Variants in LDHB observed in about 807,000 individuals in gnomAD.
LDHB encodes lactate dehydrogenase B, also known as L-lactate dehydrogenase B chain.
In LDHB, 18 loss-of-function variants were observed where a neutral mutation model predicts 33.4. The ratio of observed to expected loss-of-function variants is 0.54; its 90% CI spans 0.37 to 0.80. The LOEUF is 0.80. LDHB is among the 30% of genes least tolerant of loss of function. The probability of loss-of-function intolerance (pLI) is 0.00; values close to 1 mark genes in which losing one functional copy is unlikely to be tolerated. For synonymous variants in LDHB, 121 were observed against 140.6 expected (o/e 0.86, Z 0.98); for missense variants, 345 against 407.9 (o/e 0.85, Z 1.33).
At chr12:21,643,304 A>G (rs534156400) in intron 4 of LDHB, among the ~76,000 whole-genome samples, 1 of 152,356 alleles carries the variant, frequency 6.6e-6, no homozygotes, top group Non-Finnish European at 1.5e-5. Context: ...GTGGCAAACT[A>G]TAGATAAAAG....
intron 6 of LDHB, 168 bp from the exon 7 acceptor site, chr12:21,637,362 A>C (rs1938247534): frequency 3.3e-6 from 2 of 598,286 alleles, no homozygotes; most frequent in African/African-American, 3.7e-5. Flanking sequence ...TATATATGTA[A>C]AATGCTTAAA....
intron 3 of LDHB, among the ~76,000 whole-genome samples, chr12:21,646,386 T>G (rs1386600162): frequency 6.6e-6 from 1 of 152,256 alleles, no homozygotes; most frequent in Admixed American, 6.5e-5. Flanking sequence ...CATAACCATT[T>G]TCTACATACA....
chr12:21,648,572 C>T (rs1237125153), intron 2 of LDHB, among the ~76,000 whole-genome samples: 3 of 151,670 alleles, frequency 2.0e-5, no homozygotes, highest in Non-Finnish European at 4.4e-5. Flanking sequence ...AACTGGAGTT[C>T]AGGAAGCACT....
At chr12:21,657,309 C>T (rs571974295) in intron 1 of LDHB, 1 of 152,344 alleles carries the variant, frequency 6.6e-6, no homozygotes, top group Non-Finnish European at 1.5e-5. Context: ...AGTGCAAGGG[C>T]ATTTCTCTAT....
chr12:21,640,955 CAAAT>C (rs1185458015), intron 5 of LDHB, among the ~76,000 whole-genome samples: 2 of 151,734 alleles, frequency 1.3e-5, no homozygotes, highest in African/African-American at 2.4e-5. Flanking sequence ...TTGATATCAA[CAAAT>C]AAATAAAGAG....
chr12:21,636,754 A>T (rs1938228678), intron 7 of LDHB, among the ~76,000 whole-genome samples: 1 of 152,182 alleles, frequency 6.6e-6, no homozygotes, highest in Admixed American at 6.5e-5. Flanking sequence ...AGTTTAGTAC[A>T]TCAACTTTAA....
At position 21,653,245 on chromosome 12, in the gene LDHB, G is replaced by A. The variant is rs148033364; in HGVS notation, c.129+1298C>T. The stretch of plus-strand genomic sequence containing the variant: ...AAGGTGATAATAGAATGGTATTAGT[G>A]TTAAATCTCCTGATGTTGATAATTG... On this transcript the variant is annotated intron_variant, in intron 2 of 7. Coordinates refer to ENST00000350669, the MANE Select transcript of LDHB (RefSeq NM_002300.8). 7.9e-5 allele frequency among the ~76,000 whole-genome samples: 12 copies of A among 152,282 alleles called. No homozygotes were observed. The East Asian group carries it at 2.3e-3, about 29-fold the overall frequency.
At position 21,640,154 on chromosome 12, in the gene LDHB, ATT is replaced by A. The variant is rs869042233; in HGVS notation, c.596-1686_596-1685del. ...AGTTTCAATATTGGATTATTTTATT[ATT>A]TTTTTTTGCCATGAGCTTATTCAAT... On this transcript the variant is annotated intron_variant, in intron 5 of 7. Transcript: ENST00000350669. Among the ~76,000 whole-genome samples the A allele has an allele frequency of 0.016, 231 of 14,618 alleles. 7 individuals carry two copies. The South Asian group carries it at 0.44, about 28-fold the overall frequency. The allele number at this position is 14,618 out of a possible 152,430, so 9.6% of individuals were successfully genotyped here.
At chr12:21,635,730 C>T (rs763036170) in intron 7 of LDHB, 21 bp from the exon 8 acceptor site, 36 of 1,610,526 alleles carry the variant, frequency 2.2e-5, no homozygotes, top group Admixed American at 1.8e-4. Flanking sequence ...AACAAAGCAT[C>T]GAGATTAAGA....
At chr12:21,642,997 T>G (rs532070700) in intron 4 of LDHB, among the ~76,000 whole-genome samples, 3 of 152,262 alleles carry the variant, frequency 2.0e-5, no homozygotes, top group Non-Finnish European at 4.4e-5. Context: ...TAACTTACTA[T>G]GTGCTAGCTA....
rs754069527 is a variant in LDHB at position 21,638,366 on chromosome 12, T to C, written c.700A>G (p.Met234Val). The change falls in exon 6 of 8, where the codon ATG (methionine) becomes GTG (valine). Residue 234 changes from methionine to valine, a missense_variant. Transcript: ENST00000350669. The stretch of plus-strand genomic sequence containing the variant: ...CCTTTCACTTACCTTTCAACCACCA[T>C]CTTATGCACTTCCTTCCAATTTTCA... Reference protein sequence around the residue: ...DSENWKEVHKMVVESAYEVIK... With the variant: ...DSENWKEVHKVVVESAYEVIK... 4.4e-6 allele frequency: 7 copies of C among 1,585,696 alleles called. No individual in the cohort carries two copies. The highest frequency in any genetic ancestry group is 1.7e-4 in the Middle Eastern group (1 of 6,012).
chr12:21,648,077 C>T (rs1415314643), intron 2 of LDHB, among the ~76,000 whole-genome samples: 1 of 152,074 alleles, frequency 6.6e-6, no homozygotes, highest in African/African-American at 2.4e-5. Context: ...ATCTAAGCAA[C>T]CTTTCAGCTA....
At position 21,637,061 on chromosome 12, in the gene LDHB, T is replaced by C; in HGVS notation, c.837+10A>G. ...GAAATCATATTACATTTTGTGGTAG[T>C]TTGTCTTACCTTTACCATTGTTGAC... On this transcript the variant is annotated intron_variant, in intron 7 of 7. Coordinates refer to ENST00000350669, the MANE Select transcript of LDHB (RefSeq NM_002300.8). 6.3e-7 allele frequency: 1 copy of C among 1,597,470 alleles called. No individual in the cohort carries two copies. The highest frequency in any genetic ancestry group is 8.6e-7 in the Non-Finnish European group (1 of 1,167,104).
intron 2 of LDHB, among the ~76,000 whole-genome samples, chr12:21,649,848 T>C (rs1338597154): frequency 6.6e-6 from 1 of 151,966 alleles, no homozygotes; most frequent in African/African-American, 2.4e-5. Context: ...TCCCAGCATT[T>C]TGGGGGGCTG....
At chr12:21,645,319 G>C (rs1423554887) in intron 3 of LDHB, among the ~76,000 whole-genome samples, 2 of 152,056 alleles carry the variant, frequency 1.3e-5, no homozygotes, top group African/African-American at 2.4e-5. Context: ...ATATGGCCTC[G>C]TGGGAAGGGA....
At position 21,635,746 on chromosome 12, in the gene LDHB, A is replaced by G. The variant is rs1488359452; in HGVS notation, c.838-37T>C. ...ACAAAGCATCGAGATTAAGACATGA[A>G]ACTGTAAGTAAAAATGATCAAAGAC... is the stretch of plus-strand genomic sequence containing the variant. On this transcript the variant is annotated intron_variant, in intron 7 of 7. Transcript: ENST00000350669. The G allele has an allele frequency of 2.5e-6, 4 of 1,594,606 alleles. No individual in the cohort carries two copies. In the African/African-American group the frequency reaches 5.4e-5, roughly 21 times the overall value.
In LDHB at chr12:21,645,345, G is replaced by A. The variant is rs548713974; in HGVS notation, c.248-1237C>T. Among the ~76,000 whole-genome samples the A allele has an allele frequency of 1.8e-4, 27 of 152,240 alleles. 2 individuals are homozygous for A. The highest frequency in any genetic ancestry group is 6.3e-4 in the African/African-American group (26 of 41,556). On this transcript the variant is annotated intron_variant, in intron 3 of 7. Transcript: ENST00000350669. Reference sequence around the variant, plus strand: ...TGGGAAGGGAAAGACCTGACTGTGGGAAGGGAAAGACCTGACTGTCCCCCA... The same window carrying A: ...TGGGAAGGGAAAGACCTGACTGTGGAAAGGGAAAGACCTGACTGTCCCCCA...
intron 6 of LDHB, among the ~76,000 whole-genome samples, chr12:21,637,589 T>C (rs1348505451): frequency 6.6e-6 from 1 of 151,886 alleles, no homozygotes; most frequent in Non-Finnish European, 1.5e-5. Context: ...CACTGTCACC[T>C]AACATAATCA....
At chr12:21,637,777 G>A (rs1938257340) in intron 6 of LDHB, among the ~76,000 whole-genome samples, 1 of 151,878 alleles carries the variant, frequency 6.6e-6, no homozygotes, top group East Asian at 1.9e-4. Context: ...CCTTGGACCA[G>A]TTACACTATC....
Sources: gnomAD v4.1 joint callset for allele counts (sites outside exome capture counted in the v4.1 genomes callset) on GRCh38, gnomAD v4.1.1 for gene constraint, MANE v1.5 for transcripts, NCBI Gene and HGNC (gene_info 2026-07-23, HGNC 2026-07-21) for gene names.